Variants in TRIM10 observed in about 807,000 individuals in gnomAD.
The protein encoded by TRIM10 is tripartite motif-containing protein 10.
A neutral mutation model predicts 40.0 loss-of-function variants in TRIM10; 42 were observed. That is an observed-to-expected ratio of 1.05 (90% CI 0.82 to 1.36). The LOEUF (loss-of-function observed/expected upper bound fraction) is 1.36. Ranked by LOEUF, TRIM10 falls within the 40% of genes most tolerant of loss-of-function variation. TRIM10 has a pLI of 0.00. For missense variants in TRIM10, 601 were observed against 608.3 expected, an observed-to-expected ratio of 0.99 and a Z score of 0.13; for synonymous variants, 260 against 239.5, an observed-to-expected ratio of 1.09 and a Z score of -0.79.
chr6:30,157,263 T>A, intron 4 of TRIM10, 106 bp downstream of exon 4: 2 of 1,245,158 alleles, frequency 1.6e-6, no homozygotes, highest in Non-Finnish European at 2.3e-6. Context: ...TGTAAATTTG[T>A]ATCCTTAAGT....
At position 30,160,849 on chromosome 6, in the gene TRIM10, C is replaced by CA. The variant is rs1773031525; in HGVS notation, c.9dup (p.Ala4CysfsTer10). On this transcript the variant is annotated frameshift_variant, in exon 1 of 7. Transcript: ENST00000449742. LOFTEE classifies it high-confidence loss of function. ...TCTGCCAGGCTGGTCACAGAGGCAG[C>CA]AGAGGCCATGCTGGTCCTGCTGCTA... 2 of 1,608,842 alleles carry CA rather than the reference C, an allele frequency of 1.2e-6. No homozygotes were observed. The highest frequency in any genetic ancestry group is 4.5e-5 in the East Asian group (2 of 44,840).
At chr6:30,157,671 T>C in intron 3 of TRIM10, among the ~76,000 whole-genome samples, 1 of 147,474 alleles carries the variant, frequency 6.8e-6, no homozygotes, top group East Asian at 2.0e-4. Flanking sequence ...TTTTTTTTTT[T>C]TTTTTTTTTG....
intron 5 of TRIM10, among the ~76,000 whole-genome samples, chr6:30,155,970 G>A (rs1466288057): frequency 1.3e-5 from 2 of 152,182 alleles, no homozygotes; most frequent in Admixed American, 1.3e-4. Context: ...CTCTGGGGTG[G>A]AGCTGAACAT....
chr6:30,154,268 C>A lies in TRIM10; in HGVS notation c.1147G>T (p.Val383Leu), dbSNP rs758199472. The A allele has an allele frequency of 3.5e-5, 57 of 1,612,960 alleles. No individual in the cohort carries two copies. The highest frequency in any genetic ancestry group is 4.7e-5 in the Non-Finnish European group (56 of 1,180,024). ...TTCCGCTGCACATCCTCGCTCACCA[C>A]GCCCACGGTGCAGCTGCCCCCATGG... ...LAHGGSCTVGVVSEDVQRKGE... is the reference protein window; with the variant it reads ...LAHGGSCTVGLVSEDVQRKGE... The change falls in exon 7 of 7, where the codon GTG (valine) becomes TTG (leucine). Residue 383 changes from valine to leucine, a missense_variant. By Grantham distance (32) the Val-to-Leu change is conservative. Transcript: ENST00000449742.
chr6:30,156,041 C>T (rs1772501975), intron 5 of TRIM10, among the ~76,000 whole-genome samples: 1 of 152,194 alleles, frequency 6.6e-6, no homozygotes, highest in Admixed American at 6.5e-5. Context: ...GCCCCACTGC[C>T]CTAGCCCTGA....
intron 2 of TRIM10, among the ~76,000 whole-genome samples, 198 bp downstream of exon 2, chr6:30,158,952 G>T (rs1772830074): frequency 6.6e-6 from 1 of 152,174 alleles, no homozygotes; most frequent in African/African-American, 2.4e-5. Context: ...ATTCAATGAG[G>T]TCATGATGAT....
chr6:30,160,253 C>T (rs1051146585), intron 1 of TRIM10, among the ~76,000 whole-genome samples, 177 bp downstream of exon 1: 1 of 152,182 alleles, frequency 6.6e-6, no homozygotes, highest in Non-Finnish European at 1.5e-5. Context: ...ACACAGAACA[C>T]ACTCAAAAAA....
At position 30,154,038 on chromosome 6, in the gene TRIM10, G is replaced by A. The variant is rs1772266049; in HGVS notation, c.1377C>T (p.Ser459=). 1 of 1,611,812 alleles carries A rather than the reference G, an allele frequency of 6.2e-7. No individual in the cohort carries two copies. The highest frequency in any genetic ancestry group is 8.5e-7 in the Non-Finnish European group (1 of 1,179,082). The change falls in exon 7 of 7, where the codon TCC becomes TCT. Residue 459 remains serine, a synonymous_variant. Coordinates refer to ENST00000449742, the MANE Select transcript of TRIM10 (RefSeq NM_006778.4). ...AGAAGGGAATGACCTTCCTAGTGAA[G>A]GAGGCAGTGAAGGTGTAGATGGGCT... ...TREPIYTFTA[S]FTRKVIPFFG...
At chr6:30,155,801 C>A in intron 5 of TRIM10, 42 bp from the exon 6 acceptor site, 1 of 1,592,942 alleles carries the variant, frequency 6.3e-7, no homozygotes, top group Non-Finnish European at 8.6e-7. Flanking sequence ...ATTAGTCTTA[C>A]AAAACCATCA....
chr6:30,157,944 T>C (rs1263984641), intron 3 of TRIM10, among the ~76,000 whole-genome samples: 1 of 152,150 alleles, frequency 6.6e-6, no homozygotes, highest in Non-Finnish European at 1.5e-5. Context: ...AAGAGCATCA[T>C]TCTAAGTCAT....
At chr6:30,155,608 A>T in intron 6 of TRIM10, 119 bp downstream of exon 6, 1 of 795,862 alleles carries the variant, frequency 1.3e-6, no homozygotes, top group Middle Eastern at 2.3e-4. Flanking sequence ...ATATGTATCC[A>T]TGGGTGTTTG....
At chr6:30,157,523 G>A in intron 3 of TRIM10, 132 bp from the exon 4 acceptor site, 4 of 960,560 alleles carry the variant, frequency 4.2e-6, no homozygotes, top group Non-Finnish European at 4.6e-6. Context: ...TCTCACTCTG[G>A]TGCCCAGGCT....
At chr6:30,158,680 C>T in intron 2 of TRIM10, 51 bp from the exon 3 acceptor site, 1 of 1,423,962 alleles carries the variant, frequency 7.0e-7, no homozygotes, top group Non-Finnish European at 9.9e-7. Flanking sequence ...CTCCTTCTCC[C>T]TCTGCTCCTC....
chr6:30,161,228 G>A (rs1773063663), upstream of TRIM10, among the ~76,000 whole-genome samples: 1 of 152,148 alleles, frequency 6.6e-6, no homozygotes, highest in African/African-American at 2.4e-5. Flanking sequence ...TCTTTTGGGG[G>A]CAAGTGGGAG....
intron 1 of TRIM10, 63 bp from the exon 2 acceptor site, chr6:30,159,308 T>A (rs1335252362): frequency 1.7e-6 from 2 of 1,155,778 alleles, no homozygotes; most frequent in Non-Finnish European, 2.6e-6. Context: ...TGTCTGGTCA[T>A]CTGACCCTCT....
At chr6:30,159,816 C>A (rs1053110507) in intron 1 of TRIM10, among the ~76,000 whole-genome samples, 1 of 152,150 alleles carries the variant, frequency 6.6e-6, no homozygotes, top group Non-Finnish European at 1.5e-5. Flanking sequence ...TATTAGAATT[C>A]TCACTATCAA....
rs567945696 is a variant in TRIM10 at position 30,160,884 on chromosome 6, C to T, written c.-26G>A. The T allele has an allele frequency of 5.1e-6, 8 of 1,571,942 alleles. No individual in the cohort carries two copies. The highest frequency in any genetic ancestry group is 6.9e-6 in the Non-Finnish European group (8 of 1,162,262). On this transcript the variant is annotated 5_prime_UTR_variant, in exon 1 of 7. Transcript: ENST00000449742. Reference sequence around the variant, plus strand: ...GCTGGTCCTGCTGCTATGGCTTCCTCAAGGCCACTCTCTCTGCTTGGCCAC... The same window carrying T: ...GCTGGTCCTGCTGCTATGGCTTCCTTAAGGCCACTCTCTCTGCTTGGCCAC...
At chr6:30,163,655 C>T (rs761963785), upstream of TRIM10, 3 of 1,574,304 alleles carry the variant, frequency 1.9e-6, no homozygotes, top group Non-Finnish European at 2.6e-6. Context: ...CTGAGGAGAC[C>T]GGAGTGGACG....
At chr6:30,156,586 T>TACCTGTGTGG (rs1772550952) in intron 5 of TRIM10, among the ~76,000 whole-genome samples, 1 of 152,258 alleles carries the variant, frequency 6.6e-6, no homozygotes, top group Non-Finnish European at 1.5e-5. Flanking sequence ...ATGTTCATCA[T>TACCTGTGTGG]CAAAAACTTA....
Sources: allele counts gnomAD v4.1 joint callset (sites outside exome capture counted in the v4.1 genomes callset), GRCh38; gene constraint gnomAD v4.1.1; transcripts MANE v1.5; gene names NCBI Gene and HGNC (gene_info 2026-07-23, HGNC 2026-07-21).